Variants in DENND1A observed in about 807,000 individuals in gnomAD.
DENND1A encodes the protein DENN domain-containing protein 1A.
DENND1A carries 51 observed loss-of-function variants against 113.7 expected under a neutral mutation model. The ratio of observed to expected loss-of-function variants is 0.45; its 90% CI spans 0.36 to 0.57. The LOEUF (loss-of-function observed/expected upper bound fraction) is 0.57, where lower values mean the gene tolerates loss of function less well. DENND1A is among the 20% of genes least tolerant of loss of function. The probability of loss-of-function intolerance (pLI) is 0.00; values close to 1 mark genes in which losing one functional copy is unlikely to be tolerated. For synonymous variants in DENND1A, 565 were observed against 570.8 expected (o/e 0.99, Z 0.14); for missense variants, 1,258 against 1,395.9 (o/e 0.90, Z 1.57).
intron 3 of DENND1A, among the ~76,000 whole-genome samples, chr9:123,783,428 T>C (rs1237855055): frequency 3.9e-5 from 6 of 152,176 alleles, no homozygotes; most frequent in Admixed American, 3.3e-4. Flanking sequence ...CCCTAACACC[T>C]GACAAAGGCA....
At position 123,645,691 on chromosome 9, in the gene DENND1A, T is replaced by C. The variant is rs536929447; in HGVS notation, c.618+6322A>G. On this transcript the variant is annotated intron_variant, in intron 9 of 23. Coordinates refer to ENST00000394215, the MANE Select transcript of DENND1A (RefSeq NM_001352964.2). ...ACCCAGTTAAGAATCAACTCTTTGTTAAGAAAAGCCTTTTAAAAGTCATAG... is the reference window on the plus strand; with the variant it reads ...ACCCAGTTAAGAATCAACTCTTTGTCAAGAAAAGCCTTTTAAAAGTCATAG... Among the ~76,000 whole-genome samples the C allele has an allele frequency of 1.2e-3, 180 of 152,178 alleles. 2 individuals carry two copies. The highest frequency in any genetic ancestry group is 6.6e-4 in the Non-Finnish European group (45 of 68,032).
At chr9:123,698,630 A>T (rs114725760) in intron 5 of DENND1A, among the ~76,000 whole-genome samples, 5 of 152,244 alleles carry the variant, frequency 3.3e-5, no homozygotes, top group Non-Finnish European at 5.9e-5. Flanking sequence ...GTTTTACAAC[A>T]TGAGTCTAAC....
At chr9:123,484,532 G>A (rs1417203408) in intron 13 of DENND1A, among the ~76,000 whole-genome samples, 1 of 152,144 alleles carries the variant, frequency 6.6e-6, no homozygotes. Flanking sequence ...GGGTGCAGCG[G>A]ATAGGAAGTC....
At chr9:123,647,171 A>T (rs1334634711) in intron 9 of DENND1A, among the ~76,000 whole-genome samples, 7 of 152,262 alleles carry the variant, frequency 4.6e-5, no homozygotes, top group South Asian at 2.1e-4. Context: ...CCTCTAAAAA[A>T]TTTTGAATTA....
At chr9:123,742,386 A>G (rs940362626) in intron 5 of DENND1A, among the ~76,000 whole-genome samples, 4 of 152,216 alleles carry the variant, frequency 2.6e-5, no homozygotes, top group Non-Finnish European at 5.9e-5. Context: ...CACAGGCCAC[A>G]CTAACTAACA....
At chr9:123,869,204 C>T (rs1846179736) in intron 2 of DENND1A, among the ~76,000 whole-genome samples, 1 of 152,186 alleles carries the variant, frequency 6.6e-6, no homozygotes, top group Non-Finnish European at 1.5e-5. Context: ...AAGTTGCTTC[C>T]TAGCTCTAAG....
intron 5 of DENND1A, among the ~76,000 whole-genome samples, chr9:123,719,482 T>G (rs1233542460): frequency 1.3e-5 from 2 of 152,182 alleles, no homozygotes; most frequent in African/African-American, 4.8e-5. Context: ...AGACATCTAT[T>G]ATCTTGTTTA....
Position 123,615,611 on chromosome 9 carries a change from A to G in DENND1A, c.720-6130T>C, listed in dbSNP as rs539473636. Reference sequence around the variant, plus strand: ...TGGCCCCACAGGCCTCAGCTTCACTATTTCTTCAAGTCCTACTGAAGCCAT... The same window carrying G: ...TGGCCCCACAGGCCTCAGCTTCACTGTTTCTTCAAGTCCTACTGAAGCCAT... On this transcript the variant is annotated intron_variant, in intron 10 of 23. Coordinates refer to ENST00000394215, the MANE Select transcript of DENND1A (RefSeq NM_001352964.2). Among the ~76,000 whole-genome samples, 3 of 152,220 alleles carry G rather than the reference A, an allele frequency of 2.0e-5. No homozygotes were observed. In the South Asian group the frequency reaches 6.2e-4, roughly 32 times the overall value.
At chr9:123,649,545 A>G (rs1233042811) in intron 9 of DENND1A, among the ~76,000 whole-genome samples, 1 of 152,224 alleles carries the variant, frequency 6.6e-6, no homozygotes, top group Non-Finnish European at 1.5e-5. Flanking sequence ...CACACTTGTA[A>G]AACCCCCTGG....
chr9:123,789,222 T>C (rs1436219832), intron 3 of DENND1A, among the ~76,000 whole-genome samples: 2 of 152,144 alleles, frequency 1.3e-5, no homozygotes, highest in Non-Finnish European at 2.9e-5. Context: ...GATGTCATTG[T>C]GGTCTGAGGG....
chr9:123,743,115 C>T (rs553520994), intron 5 of DENND1A, among the ~76,000 whole-genome samples: 65 of 152,232 alleles, frequency 4.3e-4, no homozygotes, highest in Middle Eastern at 6.8e-3. Flanking sequence ...AAAAAAAAAT[C>T]TCTCCTGAGC....
At chr9:123,533,423 C>T (rs1387540601) in intron 13 of DENND1A, among the ~76,000 whole-genome samples, 1 of 152,172 alleles carries the variant, frequency 6.6e-6, no homozygotes. Flanking sequence ...TATCTTTGGG[C>T]ATTCTGAGTT....
chr9:123,745,773 A>G (rs547475371), intron 5 of DENND1A, among the ~76,000 whole-genome samples: 16 of 152,200 alleles, frequency 1.1e-4, no homozygotes, highest in Non-Finnish European at 2.4e-4. Flanking sequence ...TTATCTCTAC[A>G]ATGGAGATAA....
At chr9:123,909,940 GA>G (rs894344049) in intron 1 of DENND1A, among the ~76,000 whole-genome samples, 6 of 151,486 alleles carry the variant, frequency 4.0e-5, no homozygotes, top group Admixed American at 6.6e-5. Context: ...AATAGTATGG[GA>G]AAAAAAATCA....
At chr9:123,726,699 A>C (rs1270491330) in intron 5 of DENND1A, among the ~76,000 whole-genome samples, 1 of 152,256 alleles carries the variant, frequency 6.6e-6, no homozygotes, top group African/African-American at 2.4e-5. Flanking sequence ...TGAAAAAAAC[A>C]GCAAGTGAAG....
At chr9:123,546,474 C>T (rs2056702432) in intron 13 of DENND1A, among the ~76,000 whole-genome samples, 1 of 151,912 alleles carries the variant, frequency 6.6e-6, no homozygotes, top group Admixed American at 6.6e-5. Flanking sequence ...ATGGTGTGAA[C>T]CTGGGAGGCG....
intron 13 of DENND1A, 147 bp downstream of exon 13, chr9:123,557,423 G>T: frequency 8.3e-7 from 1 of 1,199,540 alleles, no homozygotes; most frequent in Non-Finnish European, 1.2e-6. Context: ...ATGGCAAGGG[G>T]AGTACACTGT....
intron 13 of DENND1A, among the ~76,000 whole-genome samples, chr9:123,550,980 A>G (rs2057008893): frequency 6.6e-6 from 1 of 152,234 alleles, no homozygotes; most frequent in Non-Finnish European, 1.5e-5. Flanking sequence ...GGCAACTGCT[A>G]GGAGGCGTGT....
At chr9:123,457,547 C>A in intron 14 of DENND1A, 112 bp from the exon 15 acceptor site, 2 of 915,000 alleles carry the variant, frequency 2.2e-6, no homozygotes, top group East Asian at 2.5e-5. Flanking sequence ...AAGTAAGGTT[C>A]AACAGGCAAG....
Sources: gnomAD v4.1 joint callset for allele counts (sites outside exome capture counted in the v4.1 genomes callset) on GRCh38, gnomAD v4.1.1 for gene constraint, MANE v1.5 for transcripts, NCBI Gene and HGNC (gene_info 2026-07-23, HGNC 2026-07-21) for gene names.